The following GAS2 variants were observed in gnomAD, a reference collection of about 807,000 sequenced individuals.
GAS2 encodes growth arrest specific 2.
In GAS2, 20 loss-of-function variants were observed where a neutral mutation model predicts 37.5. That is an observed-to-expected ratio of 0.53 (90% CI 0.37 to 0.77). The LOEUF (loss-of-function observed/expected upper bound fraction) is 0.77, where lower values mean the gene tolerates loss of function less well. Among genes scored for constraint, GAS2 ranks in the 30% least tolerant of loss-of-function variants. The pLI is 0.00. For synonymous variants in GAS2, 144 were observed against 132.2 expected, an observed-to-expected ratio of 1.09 and a Z score of -0.61; for missense variants, 336 against 373.4, an observed-to-expected ratio of 0.90 and a Z score of 0.82.
intron 7 of GAS2, among the ~76,000 whole-genome samples, chr11:22,787,576 A>G (rs11026788): frequency 6.6e-6 from 1 of 151,976 alleles, no homozygotes; most frequent in Non-Finnish European, 1.5e-5. Flanking sequence ...TTTATTCCGA[A>G]AAAAAAAGAA....
intron 3 of GAS2, among the ~76,000 whole-genome samples, chr11:22,723,729 C>T (rs1852054721): frequency 6.6e-6 from 1 of 151,766 alleles, no homozygotes. Flanking sequence ...GGTGGTAGAT[C>T]TTAAAGTGGC....
At chr11:22,768,659 C>T (rs564287587) in intron 7 of GAS2, among the ~76,000 whole-genome samples, 1 of 152,254 alleles carries the variant, frequency 6.6e-6, no homozygotes, top group East Asian at 1.9e-4. Flanking sequence ...CTAAACCAAA[C>T]TATCCAATGT....
At chr11:22,789,848 A>G (rs1270277505) in intron 7 of GAS2, among the ~76,000 whole-genome samples, 1 of 152,020 alleles carries the variant, frequency 6.6e-6, no homozygotes, top group Non-Finnish European at 1.5e-5. Context: ...ACGGATATAT[A>G]TTTTACTTCA....
intron 1 of GAS2, among the ~76,000 whole-genome samples, chr11:22,657,753 C>T: frequency 6.6e-6 from 1 of 152,190 alleles, no homozygotes; most frequent in Non-Finnish European, 1.5e-5. Context: ...CTCTCCAGGT[C>T]TTTTGTTGTC....
intron 1 of GAS2, among the ~76,000 whole-genome samples, chr11:22,633,571 T>C (rs1858775399): frequency 2.6e-5 from 4 of 152,208 alleles, no homozygotes; most frequent in Admixed American, 2.0e-4. Context: ...GAGGTGTTCA[T>C]GGGTAAAAAC....
chr11:22,652,719 A>C lies in GAS2; in HGVS notation c.-20-22131A>C, dbSNP rs375393926. Among the ~76,000 whole-genome samples the C allele has an allele frequency of 3.9e-5, 6 of 152,326 alleles. No individual in the cohort carries two copies. In the South Asian group the frequency reaches 8.3e-4, roughly 21 times the overall value. On this transcript the variant is annotated intron_variant, in intron 1 of 5. Transcript: ENST00000528582. Reference sequence around the variant, plus strand: ...TCTGTCACCCCTTTCTTTGACTAGGAAAGGGAACTCCCTGACCCCTTGCGC... The same window carrying C: ...TCTGTCACCCCTTTCTTTGACTAGGCAAGGGAACTCCCTGACCCCTTGCGC...
chr11:22,649,760 G>T (rs1459159944), intron 1 of GAS2, among the ~76,000 whole-genome samples: 1 of 151,944 alleles, frequency 6.6e-6, no homozygotes, highest in Non-Finnish European at 1.5e-5. Context: ...GATCGGTGGT[G>T]ATATCCCCTT....
chr11:22,699,563 C>A (rs776446552), intron 3 of GAS2, among the ~76,000 whole-genome samples: 1 of 152,086 alleles, frequency 6.6e-6, no homozygotes, highest in Non-Finnish European at 1.5e-5. Context: ...TTTCACAGTA[C>A]CACTGTTAGG....
At chr11:22,785,037 C>T in intron 7 of GAS2, among the ~76,000 whole-genome samples, 1 of 152,082 alleles carries the variant, frequency 6.6e-6, no homozygotes, top group African/African-American at 2.4e-5. Context: ...GCAAAAATTC[C>T]AGTGTTCCTC....
intron 4 of GAS2, among the ~76,000 whole-genome samples, chr11:22,728,366 T>G (rs1255186777): frequency 6.6e-6 from 1 of 151,906 alleles, no homozygotes; most frequent in African/African-American, 2.4e-5. Context: ...AATACTACAT[T>G]TTACCCTAAA....
At chr11:22,717,915 A>C (rs1851757857) in intron 3 of GAS2, among the ~76,000 whole-genome samples, 1 of 152,166 alleles carries the variant, frequency 6.6e-6, no homozygotes, top group Non-Finnish European at 1.5e-5. Flanking sequence ...TCAAAACCAC[A>C]ATGTGATACC....
intron 6 of GAS2, among the ~76,000 whole-genome samples, chr11:22,750,731 C>CT (rs1003152788): frequency 1.5e-4 from 23 of 151,950 alleles, no homozygotes; most frequent in African/African-American, 3.6e-4. Flanking sequence ...GTCAATTATA[C>CT]TTTTTTTATT....
chr11:22,650,009 T>C (rs1026659504), intron 1 of GAS2, among the ~76,000 whole-genome samples: 6 of 152,028 alleles, frequency 3.9e-5, no homozygotes, highest in African/African-American at 1.2e-4. Flanking sequence ...ATTGTGATGT[T>C]AGGGTGTCAA....
intron 1 of GAS2, among the ~76,000 whole-genome samples, chr11:22,659,793 A>G (rs1848895278): frequency 6.6e-6 from 1 of 151,952 alleles, no homozygotes; most frequent in African/African-American, 2.4e-5. Flanking sequence ...TAGACTCCTG[A>G]CACCTCCTTA....
At chr11:22,695,821 T>C (rs1308653178) in intron 3 of GAS2, among the ~76,000 whole-genome samples, 1 of 152,164 alleles carries the variant, frequency 6.6e-6, no homozygotes, top group African/African-American at 2.4e-5. Context: ...TAATGAGCTG[T>C]GAGGTTGAAA....
At chr11:22,780,434 G>T (rs1027120325) in intron 7 of GAS2, among the ~76,000 whole-genome samples, 2 of 151,914 alleles carry the variant, frequency 1.3e-5, no homozygotes, top group African/African-American at 4.8e-5. Context: ...GGCAGAGGCT[G>T]CAGTGAGCCG....
chr11:22,755,766 G>A, intron 6 of GAS2, 80 bp from the exon 7 acceptor site: 2 of 913,118 alleles, frequency 2.2e-6, no homozygotes, highest in Non-Finnish European at 1.8e-6. Flanking sequence ...AAGGGTTCAG[G>A]GGCCGTGGAG....
chr11:22,642,752 T>C (rs1335766614), intron 1 of GAS2, among the ~76,000 whole-genome samples: 2 of 152,090 alleles, frequency 1.3e-5, no homozygotes, highest in African/African-American at 2.4e-5. Flanking sequence ...TTCTATCCAC[T>C]AAAAAAAATG....
intron 7 of GAS2, among the ~76,000 whole-genome samples, chr11:22,781,252 G>A (rs1855543018): frequency 7.9e-5 from 12 of 152,164 alleles, no homozygotes; most frequent in Admixed American, 7.9e-4. Context: ...TTTGTATTCT[G>A]AGCTATTCAC....
Sources: allele counts gnomAD v4.1 joint callset (sites outside exome capture counted in the v4.1 genomes callset), GRCh38; gene constraint gnomAD v4.1.1; transcripts MANE v1.5; gene names NCBI Gene and HGNC (gene_info 2026-07-23, HGNC 2026-07-21).